The following GRK5 variants were observed in gnomAD, a reference collection of about 807,000 sequenced individuals.
The protein encoded by GRK5 is g protein-coupled receptor kinase GRK5.
Under a neutral mutation model 78.4 loss-of-function variants are expected in GRK5, and 40 were observed. The observed-to-expected ratio is 0.51, with a 90% CI of 0.40 to 0.66. The LOEUF (loss-of-function observed/expected upper bound fraction) is 0.66. Ranked by LOEUF, GRK5 falls within the 30% of genes least tolerant of loss-of-function variation. The pLI, the probability that GRK5 is intolerant of heterozygous loss-of-function variation, is 0.00. For synonymous variants in GRK5, 289 were observed against 296.8 expected (o/e 0.97, Z 0.27); for missense variants, 598 against 759.9 (o/e 0.79, Z 2.50).
rs76543011 is a variant in GRK5 at position 119,356,785 on chromosome 10, C to T, written c.149-24030C>T. Among the ~76,000 whole-genome samples, 1,291 of 152,352 alleles carry T rather than the reference C, an allele frequency of 8.5e-3. 23 individuals are homozygous for T. Among genetic ancestry groups the T allele is most frequent in the African/African-American group, 0.029 (1,224 of 41,580 alleles). On this transcript the variant is annotated intron_variant, in intron 2 of 15. Coordinates refer to ENST00000392870, the MANE Select transcript of GRK5 (RefSeq NM_005308.3). Reference sequence around the variant, plus strand: ...CAGTCTCTAGCAGGCTCAGCCCAAGCCACTACCGATCCCTTTTCTCACAAG... The same window carrying T: ...CAGTCTCTAGCAGGCTCAGCCCAAGTCACTACCGATCCCTTTTCTCACAAG...
intron 6 of GRK5, among the ~76,000 whole-genome samples, chr10:119,428,643 T>G (rs1852750238): frequency 6.6e-6 from 1 of 152,190 alleles, no homozygotes; most frequent in African/African-American, 2.4e-5. Context: ...TAGCAGCCTT[T>G]GTCGGTGGTC....
intron 3 of GRK5, among the ~76,000 whole-genome samples, chr10:119,394,236 GTGGGTGTCTGTGTGTGGA>G (rs1851958032): frequency 7.6e-6 from 1 of 130,876 alleles, no homozygotes; most frequent in Admixed American, 7.1e-5. Context: ...GTGTGGGTGT[GTGGGTGTCTGTGTGTGGA>G]TGTATCTGTG....
rs553214725 is a variant in GRK5 at position 119,307,706 on chromosome 10, G to A, written c.53-18810G>A. Among the ~76,000 whole-genome samples, 23 of 152,214 alleles carry A rather than the reference G, an allele frequency of 1.5e-4. 1 individual carries two copies. The highest frequency in any genetic ancestry group is 7.8e-4 in the Admixed American group (12 of 15,294). On this transcript the variant is annotated intron_variant, in intron 1 of 15. Transcript: ENST00000392870. ...GTGTCTATAGCACTCCATTTGTGCC[G>A]TTAATAACTTGTTACTGAAGCAAGA...
At chr10:119,291,657 C>CTTA (rs2133704646) in intron 1 of GRK5, among the ~76,000 whole-genome samples, 1 of 147,720 alleles carries the variant, frequency 6.8e-6, no homozygotes, top group African/African-American at 2.5e-5. Context: ...CCTCCTCTTC[C>CTTA]TCCTCATCCT....
At chr10:119,359,368 T>C (rs1179239267) in intron 2 of GRK5, among the ~76,000 whole-genome samples, 1 of 152,182 alleles carries the variant, frequency 6.6e-6, no homozygotes, top group African/African-American at 2.4e-5. Flanking sequence ...TTTCTCTCCA[T>C]GGTTATGGCA....
chr10:119,377,788 TG>T (rs1452376748), intron 2 of GRK5, among the ~76,000 whole-genome samples: 2 of 152,108 alleles, frequency 1.3e-5, no homozygotes, highest in Non-Finnish European at 2.9e-5. Context: ...TTGGAAAAGG[TG>T]GGGGTAGAGG....
chr10:119,447,620 C>T (rs528672545), intron 12 of GRK5, among the ~76,000 whole-genome samples: 73 of 152,280 alleles, frequency 4.8e-4, no homozygotes, highest in African/African-American at 1.6e-3. Context: ...CCGGGGTGCC[C>T]GATCTGTATC....
intron 2 of GRK5, among the ~76,000 whole-genome samples, chr10:119,335,497 G>A (rs546669973): frequency 7.2e-5 from 11 of 152,244 alleles, no homozygotes; most frequent in African/African-American, 2.2e-4. Context: ...CCAAGTAGCT[G>A]GGACTACAGG....
chr10:119,443,546 C>T lies in GRK5; in HGVS notation c.1060C>T (p.Pro354Ser). The change falls in exon 12 of 16, where the codon CCA becomes TCA. Residue 354 changes from proline to serine, a missense_variant and splice_region_variant. Transcript: ENST00000392870. ...GRVGTVGYMA[P>S]EVLNNQRYGL... ...TCTCTCCTCTCCTCTGCCCCCAGCT[C>T]CAGAGGTCCTGAACAACCAGAGGTA... 1 of 1,602,492 alleles carries T rather than the reference C, an allele frequency of 6.2e-7. No homozygotes were observed. The highest frequency in any genetic ancestry group is 8.5e-7 in the Non-Finnish European group (1 of 1,170,442).
chr10:119,396,680 C>A lies in GRK5; in HGVS notation c.262-15C>A. On this transcript the variant is annotated splice_polypyrimidine_tract_variant and intron_variant, in intron 3 of 15. Transcript: ENST00000392870. ...AGCAAACCTGTTATTGTTCTTTTTT[C>A]TCCTTCTGTTTTAGGCAGAATATGA... 1 of 1,598,264 alleles carries A rather than the reference C, an allele frequency of 6.3e-7. No individual in the cohort carries two copies. The highest frequency in any genetic ancestry group is 2.2e-5 in the East Asian group (1 of 44,798).
rs1258839371 is a variant in GRK5 at position 119,267,554 on chromosome 10, AAGGGGCTGG to A, written c.53-58958_53-58950del. ...TGGGCAGCCCTCTCCACAGGATGGCAAGGGGCTGGAGGCTCAGCGGACGGGCCCTGTTTT... is the reference window on the plus strand; with the variant it reads ...TGGGCAGCCCTCTCCACAGGATGGCAAGGCTCAGCGGACGGGCCCTGTTTT... On this transcript the variant is annotated intron_variant, in intron 1 of 15. Transcript: ENST00000392870. This position sits in a 1 kb window ranked among gnomAD's most constrained non-coding sequence, Gnocchi z 4.1. 6.6e-6 allele frequency among the ~76,000 whole-genome samples: 1 copy of A among 152,208 alleles called. No homozygotes were observed. Among genetic ancestry groups the A allele is most frequent in the Non-Finnish European group, 1.5e-5 (1 of 68,028 alleles).
At chr10:119,234,654 T>C (rs1252675173) in intron 1 of GRK5, among the ~76,000 whole-genome samples, 1 of 151,988 alleles carries the variant, frequency 6.6e-6, no homozygotes, top group Non-Finnish European at 1.5e-5. Context: ...TCTTTTCTTT[T>C]CTCCCTCCCC....
intron 1 of GRK5, among the ~76,000 whole-genome samples, chr10:119,292,106 T>C (rs868809125): frequency 1.1e-3 from 34 of 30,968 alleles, no homozygotes; most frequent in Admixed American, 1.6e-3. Flanking sequence ...TCTTCCTCCT[T>C]CTCCTCTTCC....
intron 12 of GRK5, 104 bp downstream of exon 12, chr10:119,443,856 G>A (rs1233578153): frequency 2.0e-6 from 2 of 989,218 alleles, no homozygotes; most frequent in Non-Finnish European, 1.5e-6. Flanking sequence ...AGGGACAGGG[G>A]TCTGAGCATG....
At position 119,431,329 on chromosome 10, in the gene GRK5, AG is replaced by A; in HGVS notation, c.598-57del. The A allele has an allele frequency of 6.4e-7, 1 of 1,557,042 alleles. No individual in the cohort carries two copies. Among genetic ancestry groups the A allele is most frequent in the Non-Finnish European group, 8.7e-7 (1 of 1,151,818 alleles). On this transcript the variant is annotated intron_variant, in intron 7 of 15. Transcript: ENST00000392870. This position sits in a 1 kb window ranked among gnomAD's most constrained non-coding sequence, Gnocchi z 4.8. ...AGGCCTGTGGTCCCCGCCCTGGAGG[AG>A]CTCGGGGCAGGCCTCCACGGTGCTC...
chr10:119,311,774 G>A (rs918694644), intron 1 of GRK5, among the ~76,000 whole-genome samples: 1 of 145,448 alleles, frequency 6.9e-6, no homozygotes, highest in Non-Finnish European at 1.5e-5. Flanking sequence ...GGGTGACAGA[G>A]CAAGACTGTC....
At position 119,230,946 on chromosome 10, in the gene GRK5, G is replaced by T. The variant is rs149235543; in HGVS notation, c.52+22977G>T. 4.4e-4 allele frequency among the ~76,000 whole-genome samples: 67 copies of T among 152,190 alleles called. No homozygotes were observed. In the East Asian group the frequency reaches 0.011, roughly 24 times the overall value. On this transcript the variant is annotated intron_variant, in intron 1 of 15. Coordinates refer to ENST00000392870, the MANE Select transcript of GRK5 (RefSeq NM_005308.3). ...CAGCAGAAGCTGTAGGGCCAAATGG[G>T]CAGTGGTTCTTGGAAGTATTGTGGG...
intron 3 of GRK5, among the ~76,000 whole-genome samples, chr10:119,395,794 T>C (rs748700322): frequency 1.2e-4 from 19 of 152,132 alleles, no homozygotes; most frequent in Non-Finnish European, 2.2e-4. Flanking sequence ...TTCTGTGGTG[T>C]GGTTGAGGAG....
chr10:119,292,118 CCCT>C lies in GRK5; in HGVS notation c.53-34396_53-34394del, dbSNP rs1181385959. On this transcript the variant is annotated intron_variant, in intron 1 of 15. Transcript: ENST00000392870. ...TCCTCTTCCTCCTTCTCCTCTTCCT[CCCT>C]CTCCTCATCTTCCTCCTTCTCCTCC... 3.9e-3 allele frequency among the ~76,000 whole-genome samples: 108 copies of C among 27,776 alleles called. 8 individuals are homozygous for C. Among genetic ancestry groups the C allele is most frequent in the Non-Finnish European group, 6.2e-3 (80 of 12,864 alleles). 18.2% of individuals were successfully genotyped at this position (27,776 alleles called of 152,430 possible). A position where few individuals can be genotyped will look rare whatever the true frequency, so the allele number is the denominator to read the frequency against.
Sources: gnomAD v4.1 joint callset for allele counts (sites outside exome capture counted in the v4.1 genomes callset) on GRCh38, gnomAD v4.1.1 for gene constraint, Gnocchi (gnomAD v3.1) non-coding constraint, MANE v1.5 for transcripts, NCBI Gene and HGNC (gene_info 2026-07-23, HGNC 2026-07-21) for gene names.